Variants in ALMS1 observed in about 807,000 individuals in gnomAD.
The protein encoded by ALMS1 is centrosome-associated protein ALMS1.
ALMS1 carries 271 observed loss-of-function variants against 352.2 expected under a neutral mutation model. The observed-to-expected ratio is 0.77, with a 90% CI of 0.70 to 0.85. The LOEUF (loss-of-function observed/expected upper bound fraction) is 0.85, where lower values mean the gene tolerates loss of function less well. Ranked by LOEUF, ALMS1 falls within the 40% of genes least tolerant of loss-of-function variation. The pLI is 0.00. For missense variants in ALMS1, 5,445 were observed against 4,870.7 expected, an observed-to-expected ratio of 1.12 and a Z score of -3.51; for synonymous variants, 1,865 against 1,761.2, an observed-to-expected ratio of 1.06 and a Z score of -1.48.
At chr2:73,497,595 T>TA (rs1167830670) in intron 10 of ALMS1, among the ~76,000 whole-genome samples, 8 of 152,134 alleles carry the variant, frequency 5.3e-5, no homozygotes, top group African/African-American at 1.9e-4. Context: ...GCGTTATGTC[T>TA]AAAAAAATGT....
At chr2:73,410,561 A>G (rs1047262169) in intron 2 of ALMS1, among the ~76,000 whole-genome samples, 1 of 152,098 alleles carries the variant, frequency 6.6e-6, no homozygotes, top group Non-Finnish European at 1.5e-5. Flanking sequence ...TCTGCATTTC[A>G]TTTGTTGGGA....
At chr2:73,541,209 T>C (rs1353480907) in intron 12 of ALMS1, among the ~76,000 whole-genome samples, 2 of 152,098 alleles carry the variant, frequency 1.3e-5, no homozygotes, top group Non-Finnish European at 2.9e-5. Flanking sequence ...GAACTCAGGA[T>C]TAAGAAACTC....
At chr2:73,473,441 A>G (rs960444700) in intron 9 of ALMS1, among the ~76,000 whole-genome samples, 1 of 152,046 alleles carries the variant, frequency 6.6e-6, no homozygotes, top group Non-Finnish European at 1.5e-5. Flanking sequence ...AACTCCAGGG[A>G]AGGGGGAGAA....
chr2:73,422,203 A>G (rs973148546), intron 3 of ALMS1, among the ~76,000 whole-genome samples: 4 of 152,156 alleles, frequency 2.6e-5, no homozygotes, highest in African/African-American at 9.7e-5. Context: ...AAACAATTCT[A>G]TAATGTCTGA....
intron 4 of ALMS1, 78 bp downstream of exon 4, chr2:73,423,052 G>A: frequency 7.6e-7 from 1 of 1,322,316 alleles, no homozygotes; most frequent in Non-Finnish European, 1.1e-6. Flanking sequence ...TTCAGGCTAA[G>A]GTGGGACTTT....
chr2:73,525,818 A>C (rs1431413191), intron 11 of ALMS1, among the ~76,000 whole-genome samples: 1 of 152,034 alleles, frequency 6.6e-6, no homozygotes, highest in Non-Finnish European at 1.5e-5. Context: ...GGTTGCCTGT[A>C]TATGTGGGAT....
Position 73,386,052 on chromosome 2 carries a change from C to T in ALMS1, c.184C>T (p.Pro62Ser), listed in dbSNP as rs1389133056. 6 of 1,582,592 alleles carry T rather than the reference C, an allele frequency of 3.8e-6. No individual in the cohort carries two copies. The highest frequency in any genetic ancestry group is 1.4e-5 in the African/African-American group (1 of 73,956). Residue 62 changes from proline (P) to serine (S), a missense_variant, in exon 1 of 23, where the codon CCC (proline) becomes TCC (serine). Physicochemically the swap from Pro to Ser is moderately conservative, Grantham distance 74 (BLOSUM62 -1). Coordinates refer to ENST00000613296, the MANE Select transcript of ALMS1 (RefSeq NM_001378454.1). ...RELDSDSHYG[P>S]QHLESIDDEE... is the part of the protein sequence containing the mutation. ...GTTGGACTCCGACTCTCACTACGGG[C>T]CCCAGCATCTGGAAAGTATAGACGA... is the stretch of plus-strand genomic sequence containing the variant.
At chr2:73,444,637 T>C (rs1292256638) in intron 7 of ALMS1, among the ~76,000 whole-genome samples, 1 of 152,210 alleles carries the variant, frequency 6.6e-6, no homozygotes, top group Non-Finnish European at 1.5e-5. Flanking sequence ...GCAATTTTAT[T>C]ACATTTAACT....
At chr2:73,575,927 C>T (rs1553418937) in intron 16 of ALMS1, among the ~76,000 whole-genome samples, 1 of 151,724 alleles carries the variant, frequency 6.6e-6, no homozygotes, top group Non-Finnish European at 1.5e-5. Context: ...TGAAAGTTTT[C>T]TTCTTAAGAG....
At chr2:73,595,299 G>T (rs1364529343) in intron 16 of ALMS1, among the ~76,000 whole-genome samples, 1 of 152,174 alleles carries the variant, frequency 6.6e-6, no homozygotes, top group African/African-American at 2.4e-5. Flanking sequence ...GTTACCAAAA[G>T]GTGCCCTTGT....
rs373492071 is a variant in ALMS1 at position 73,490,963 on chromosome 2, A to C, written c.9004A>C (p.Lys3002Gln). The C allele has an allele frequency of 3.7e-6, 6 of 1,614,196 alleles. No homozygotes were observed. The African/African-American group carries it at 5.3e-5, about 14-fold the overall frequency. Residue 3002 changes from lysine to glutamine, a missense_variant, in exon 10 of 23, where the codon AAG becomes CAG. Coordinates refer to ENST00000613296, the MANE Select transcript of ALMS1 (RefSeq NM_001378454.1). Reference protein sequence around the residue: ...DCVVEKNNQHKPKSHISNINV... With the variant: ...DCVVEKNNQHQPKSHISNINV... Reference sequence around the variant, plus strand: ...TGTAGTGGAAAAGAATAATCAACATAAGCCTAAATCACACATTTCTAATAT... The same window carrying C: ...TGTAGTGGAAAAGAATAATCAACATCAGCCTAAATCACACATTTCTAATAT...
In ALMS1 at chr2:73,452,847, A is replaced by G. The variant is rs536863403; in HGVS notation, c.6320A>G (p.Gln2107Arg). The G allele has an allele frequency of 5.0e-6, 8 of 1,613,890 alleles. No individual in the cohort carries two copies. Among genetic ancestry groups the G allele is most frequent in the Non-Finnish European group, 5.9e-6 (7 of 1,179,992 alleles). Residue 2107 changes from glutamine to arginine, a missense_variant, in exon 8 of 23, where the codon CAG (glutamine) becomes CGG (arginine). By Grantham distance (43) the Gln-to-Arg change is conservative. Coordinates refer to ENST00000613296, the MANE Select transcript of ALMS1 (RefSeq NM_001378454.1). ...GAGAAATCGAATATTTTCAGTCCAC[A>G]GGAATTGCCAGGTAGTCATGTAACT... ...HREKSNIFSPQELPGSHVTED... is the reference protein window; with the variant it reads ...HREKSNIFSPRELPGSHVTED...
At chr2:73,469,568 G>A (rs1672427378) in intron 9 of ALMS1, 1 of 151,894 alleles carries the variant, frequency 6.6e-6, no homozygotes, top group African/African-American at 2.4e-5. Context: ...GCGTGTAACA[G>A]ATTAAACATT....
intron 1 of ALMS1, among the ~76,000 whole-genome samples, chr2:73,405,530 A>G (rs1010494405): frequency 2.6e-5 from 4 of 151,330 alleles, no homozygotes; most frequent in Non-Finnish European, 5.9e-5. Context: ...TCAAATAACT[A>G]TTGGTTTTCT....
chr2:73,437,733 G>A (rs1671633473), intron 7 of ALMS1, among the ~76,000 whole-genome samples: 1 of 152,036 alleles, frequency 6.6e-6, no homozygotes, highest in African/African-American at 2.4e-5. Context: ...TTAATATTAT[G>A]CACAGTCTTG....
chr2:73,570,513 G>T (rs1243805445), intron 15 of ALMS1, among the ~76,000 whole-genome samples: 1 of 152,116 alleles, frequency 6.6e-6, no homozygotes, highest in Non-Finnish European at 1.5e-5. Flanking sequence ...AGAGGTAAAG[G>T]AGAGGAAAAT....
At chr2:73,393,088 G>T (rs1217961448) in intron 1 of ALMS1, among the ~76,000 whole-genome samples, 3 of 152,056 alleles carry the variant, frequency 2.0e-5, no homozygotes, top group Non-Finnish European at 4.4e-5. Context: ...GTCTTCTTTG[G>T]AGAAATATCT....
intron 21 of ALMS1, among the ~76,000 whole-genome samples, chr2:73,604,661 G>A (rs1675775434): frequency 6.6e-6 from 1 of 152,122 alleles, no homozygotes. Context: ...GGGATGCTTT[G>A]GATGCTTTAG....
intron 1 of ALMS1, among the ~76,000 whole-genome samples, chr2:73,397,560 C>T (rs954372736): frequency 5.3e-5 from 8 of 152,052 alleles, no homozygotes; most frequent in Non-Finnish European, 8.8e-5. Context: ...CTCTGCCTCC[C>T]GGATTCAAGT....
Sources: gnomAD v4.1 joint callset for allele counts (sites outside exome capture counted in the v4.1 genomes callset) on GRCh38, gnomAD v4.1.1 for gene constraint, MANE v1.5 for transcripts, NCBI Gene and HGNC (gene_info 2026-07-23, HGNC 2026-07-21) for gene names.